RABGEF1: variants seen among roughly 807,000 people sequenced by gnomAD.
RABGEF1 encodes rab5 GDP/GTP exchange factor.
A neutral mutation model predicts 57.3 loss-of-function variants in RABGEF1; 26 were observed. That is an observed-to-expected ratio of 0.45 (90% CI 0.33 to 0.63). The LOEUF is 0.63. Among genes scored for constraint, RABGEF1 ranks in the 20% least tolerant of loss-of-function variants. The pLI, the probability that RABGEF1 is intolerant of heterozygous loss-of-function variation, is 0.02. For synonymous variants in RABGEF1, 185 were observed against 210.7 expected, an observed-to-expected ratio of 0.88 and a Z score of 1.06; for missense variants, 464 against 607.6, an observed-to-expected ratio of 0.76 and a Z score of 2.48.
chr7:66,740,091 C>T (rs565353900), upstream of RABGEF1: 8 of 152,460 alleles, frequency 5.2e-5, no homozygotes, highest in African/African-American at 1.9e-4. Context: ...ACCTCAGCCT[C>T]CCTGGTAGTT....
intron 1 of RABGEF1, among the ~76,000 whole-genome samples, chr7:66,747,013 C>T (rs1385912694): frequency 3.9e-5 from 6 of 151,904 alleles, no homozygotes; most frequent in South Asian, 4.2e-4. Flanking sequence ...AGGCTGGTCT[C>T]GAATTTCTGA....
At chr7:66,737,073 T>TGAGAGAGA (rs1279802653), upstream of RABGEF1, among the ~76,000 whole-genome samples, 28 of 117,140 alleles carry the variant, frequency 2.4e-4, 1 homozygote, top group East Asian at 1.0e-3. Context: ...AGAGAGAGAG[T>TGAGAGAGA]GAGAGAGAGA....
At chr7:66,792,557 A>T (rs1416568818) in intron 4 of RABGEF1, among the ~76,000 whole-genome samples, 2 of 152,174 alleles carry the variant, frequency 1.3e-5, no homozygotes, top group African/African-American at 4.8e-5. Context: ...GGATTTAGGG[A>T]TCCTTATTAG....
intron 1 of RABGEF1, among the ~76,000 whole-genome samples, chr7:66,757,391 T>G (rs1803011756): frequency 6.6e-6 from 1 of 152,250 alleles, no homozygotes; most frequent in Non-Finnish European, 1.5e-5. Flanking sequence ...TTTCTCAGCA[T>G]TAATAGTGTT....
intron 1 of RABGEF1, among the ~76,000 whole-genome samples, chr7:66,683,727 C>CTTATTTATTTATTTATTTAT (rs10583686): frequency 4.0e-5 from 6 of 149,328 alleles, no homozygotes; most frequent in Admixed American, 1.3e-4. Context: ...CAAGGAGGTG[C>CTTATTTATTTATTTATTTAT]TTATTTATTT....
At chr7:66,789,457 C>T (rs28558525) in intron 4 of RABGEF1, among the ~76,000 whole-genome samples, 2 of 151,984 alleles carry the variant, frequency 1.3e-5, no homozygotes, top group African/African-American at 4.8e-5. Context: ...CTGAGATGGG[C>T]GGATCACAAG....
chr7:66,707,350 C>T (rs1794247875), intron 1 of RABGEF1, among the ~76,000 whole-genome samples: 1 of 151,954 alleles, frequency 6.6e-6, no homozygotes, highest in South Asian at 2.1e-4. Flanking sequence ...GTCTGGTTGG[C>T]ATACATTCTG....
intron 8 of RABGEF1, among the ~76,000 whole-genome samples, chr7:66,806,579 T>C (rs546912885): frequency 1.3e-5 from 2 of 152,022 alleles, no homozygotes; most frequent in East Asian, 3.9e-4. Flanking sequence ...TGGTTTAATC[T>C]GTAGTACTGA....
At chr7:66,723,837 C>T (rs1042922030) in intron 2 of RABGEF1, among the ~76,000 whole-genome samples, 7 of 151,948 alleles carry the variant, frequency 4.6e-5, no homozygotes, top group African/African-American at 1.7e-4. Context: ...ACCTTAGCCT[C>T]CCAAAGTGCT....
At chr7:66,689,924 G>A (rs995859506) in intron 1 of RABGEF1, among the ~76,000 whole-genome samples, 2 of 151,942 alleles carry the variant, frequency 1.3e-5, no homozygotes, top group African/African-American at 4.8e-5. Context: ...ACTTCTACCA[G>A]ACATTTAAAG....
At chr7:66,739,592 G>A (rs112555057), upstream of RABGEF1, among the ~76,000 whole-genome samples, 2,123 of 149,128 alleles carry the variant, frequency 0.014, 25 homozygotes, top group Middle Eastern at 0.028. Context: ...AACCTAGGAG[G>A]CGGAGGTTGC....
At position 66,809,174 on chromosome 7, in the gene RABGEF1, T is replaced by C. The variant is rs774963142; in HGVS notation, c.1366T>C (p.Tyr456His). Residue 456 changes from tyrosine to histidine, a missense_variant, in exon 9 of 9, where the codon TAC becomes CAC. Physicochemically the swap from Tyr to His is moderately conservative, Grantham distance 83. This residue lies in a region of RABGEF1 where 151 missense variants were observed against 152.2 expected (regional missense o/e 0.99). Transcript: ENST00000284957. The stretch of plus-strand genomic sequence containing the variant: ...AGAAGTTCAAGACATCGTTGAGAAA[T>C]ACCCACTGGAAATTAAGCCTCCGAA... ...AREVQDIVEKYPLEIKPPNQP... is the reference protein window; with the variant it reads ...AREVQDIVEKHPLEIKPPNQP... 27 of 1,614,082 alleles carry C rather than the reference T, an allele frequency of 1.7e-5. No individual in the cohort carries two copies. Among genetic ancestry groups the C allele is most frequent in the Non-Finnish European group, 1.8e-5 (21 of 1,180,048 alleles).
intron 3 of RABGEF1, among the ~76,000 whole-genome samples, chr7:66,778,536 G>A (rs1809086608): frequency 6.6e-6 from 1 of 152,202 alleles, no homozygotes; most frequent in Non-Finnish European, 1.5e-5. Flanking sequence ...GTCATTCCAA[G>A]TAGAATCTTG....
At chr7:66,700,977 AGC>A (rs1793166667) in intron 1 of RABGEF1, among the ~76,000 whole-genome samples, 1 of 152,176 alleles carries the variant, frequency 6.6e-6, no homozygotes, top group African/African-American at 2.4e-5. Flanking sequence ...TGTGGTGGGC[AGC>A]GCTGTCTTGC....
intron 2 of RABGEF1, among the ~76,000 whole-genome samples, chr7:66,724,752 AATT>A (rs1796414493): frequency 6.6e-6 from 1 of 152,166 alleles, no homozygotes; most frequent in South Asian, 2.1e-4. Context: ...AAAATTCAGC[AATT>A]ATTTCTTCTG....
At chr7:66,742,557 G>A (rs1229927069) in intron 1 of RABGEF1, among the ~76,000 whole-genome samples, 2 of 152,146 alleles carry the variant, frequency 1.3e-5, no homozygotes, top group Non-Finnish European at 2.9e-5. Flanking sequence ...GTGGAGTGAG[G>A]GAGAGGGGGG....
intron 4 of RABGEF1, 95 bp downstream of exon 4, chr7:66,783,936 A>G: frequency 1.7e-6 from 2 of 1,190,816 alleles, no homozygotes; most frequent in Non-Finnish European, 2.3e-6. Flanking sequence ...TATGCCTGAG[A>G]AAAATCCAGA....
chr7:66,694,258 C>T (rs562677681), intron 1 of RABGEF1, among the ~76,000 whole-genome samples: 45 of 152,278 alleles, frequency 3.0e-4, no homozygotes, highest in Middle Eastern at 3.4e-3. Context: ...AAGGGTGCCA[C>T]GGGAATGGGA....
intron 2 of RABGEF1, among the ~76,000 whole-genome samples, chr7:66,719,677 C>T (rs933347927): frequency 5.3e-5 from 8 of 152,162 alleles, no homozygotes; most frequent in African/African-American, 1.9e-4. Context: ...GATACCAAAA[C>T]CAAACACCTA....
Sources: allele counts gnomAD v4.1 joint callset (sites outside exome capture counted in the v4.1 genomes callset), GRCh38; gene constraint gnomAD v4.1.1; regional missense constraint gnomAD v4.1.1; transcripts MANE v1.5; gene names NCBI Gene and HGNC (gene_info 2026-07-23, HGNC 2026-07-21).